The following LDLRAD3 variants were observed in gnomAD, a reference collection of about 807,000 sequenced individuals.
LDLRAD3 encodes the protein low density lipoprotein receptor class A domain containing 3.
A neutral mutation model predicts 29.4 loss-of-function variants in LDLRAD3; 20 were observed. That is an observed-to-expected ratio of 0.68 (90% CI 0.48 to 0.99). The LOEUF is 0.99. Among genes scored for constraint, LDLRAD3 ranks in the 50% least tolerant of loss-of-function variants. LDLRAD3 has a pLI of 0.00. For synonymous variants in LDLRAD3, 157 were observed against 192.7 expected (o/e 0.81, Z 1.53); for missense variants, 420 against 454.3 (o/e 0.92, Z 0.69).
At chr11:35,986,517 TC>T (rs1198615519) in intron 1 of LDLRAD3, among the ~76,000 whole-genome samples, 3 of 152,228 alleles carry the variant, frequency 2.0e-5, no homozygotes, top group Admixed American at 1.3e-4. Flanking sequence ...GTAACAAACT[TC>T]CTGGAAAGTT....
At chr11:36,164,466 A>G (rs1854487625) in intron 4 of LDLRAD3, among the ~76,000 whole-genome samples, 1 of 152,214 alleles carries the variant, frequency 6.6e-6, no homozygotes, top group African/African-American at 2.4e-5. Context: ...TTTTGCTTGA[A>G]CAGGGTAAAA....
intron 2 of LDLRAD3, among the ~76,000 whole-genome samples, chr11:36,066,523 A>C (rs1231291031): frequency 6.6e-6 from 1 of 152,230 alleles, no homozygotes; most frequent in Non-Finnish European, 1.5e-5. Context: ...ATGTATATGC[A>C]CACAAAAACC....
At chr11:36,022,753 G>A (rs1271293438) in intron 1 of LDLRAD3, among the ~76,000 whole-genome samples, 2 of 152,128 alleles carry the variant, frequency 1.3e-5, no homozygotes, top group Non-Finnish European at 2.9e-5. Flanking sequence ...AAGGTCATAA[G>A]CTACCTTTTC....
intron 1 of LDLRAD3, among the ~76,000 whole-genome samples, chr11:35,954,069 T>C (rs1358312662): frequency 6.6e-6 from 1 of 152,164 alleles, no homozygotes; most frequent in Non-Finnish European, 1.5e-5. Flanking sequence ...TAAACATCGG[T>C]GGATCCTATG....
At chr11:36,228,994 GT>G (rs1263299553) in intron 5 of LDLRAD3, among the ~76,000 whole-genome samples, 165 bp from the exon 6 acceptor site, 1 of 152,216 alleles carries the variant, frequency 6.6e-6, no homozygotes, top group African/African-American at 2.4e-5. Flanking sequence ...TTCCGATGTG[GT>G]TCCTGGTCCT....
At chr11:36,027,127 G>C (rs1206958298) in intron 1 of LDLRAD3, among the ~76,000 whole-genome samples, 1 of 152,188 alleles carries the variant, frequency 6.6e-6, no homozygotes. Flanking sequence ...CAGATGTGCC[G>C]TGTATGAGTT....
intron 3 of LDLRAD3, among the ~76,000 whole-genome samples, chr11:36,085,121 G>C (rs565368864): frequency 6.6e-6 from 1 of 152,118 alleles, no homozygotes; most frequent in South Asian, 2.1e-4. Context: ...TCTGAAGTTG[G>C]CAACAAATTA....
At chr11:36,119,292 T>G (rs566855678) in intron 4 of LDLRAD3, among the ~76,000 whole-genome samples, 2 of 152,358 alleles carry the variant, frequency 1.3e-5, no homozygotes, top group South Asian at 4.1e-4. Context: ...CAAGTTTCTG[T>G]GTGGACATAT....
intron 1 of LDLRAD3, among the ~76,000 whole-genome samples, chr11:36,024,833 G>A (rs923572490): frequency 6.6e-6 from 1 of 152,216 alleles, no homozygotes; most frequent in Non-Finnish European, 1.5e-5. Flanking sequence ...AGATGGTGTG[G>A]ACTATTCTAA....
intron 3 of LDLRAD3, among the ~76,000 whole-genome samples, chr11:36,088,890 C>G (rs1224716019): frequency 1.3e-5 from 2 of 152,154 alleles, no homozygotes; most frequent in African/African-American, 4.8e-5. Flanking sequence ...TCAGAGAGGC[C>G]TTCCATGACC....
intron 2 of LDLRAD3, among the ~76,000 whole-genome samples, chr11:36,057,383 C>T (rs181298507): frequency 7.4e-4 from 112 of 152,292 alleles, no homozygotes; most frequent in African/African-American, 2.4e-3. Context: ...TCTTTACCTC[C>T]TCATCTTTCG....
intron 1 of LDLRAD3, among the ~76,000 whole-genome samples, chr11:36,033,830 C>T (rs772099288): frequency 9.9e-5 from 15 of 152,134 alleles, no homozygotes; most frequent in Admixed American, 5.9e-4. Context: ...TTCTGGAGTC[C>T]GGTCTTGAGA....
intron 4 of LDLRAD3, among the ~76,000 whole-genome samples, chr11:36,184,340 T>G (rs1446694800): frequency 6.6e-6 from 1 of 152,214 alleles, no homozygotes; most frequent in African/African-American, 2.4e-5. Flanking sequence ...CTTAATAATT[T>G]ACTAATATGT....
intron 1 of LDLRAD3, chr11:35,989,126 G>A (rs1851655502): frequency 6.6e-6 from 1 of 152,238 alleles, no homozygotes; most frequent in Middle Eastern, 3.4e-3. Context: ...TACTGAATAG[G>A]AAGTCCTTTC....
At chr11:36,089,242 G>C (rs1042702207) in intron 3 of LDLRAD3, among the ~76,000 whole-genome samples, 1 of 152,092 alleles carries the variant, frequency 6.6e-6, no homozygotes, top group African/African-American at 2.4e-5. Context: ...GCTTTACGTG[G>C]ATGATCTCAT....
chr11:36,050,443 G>T (rs1486398803), intron 2 of LDLRAD3, among the ~76,000 whole-genome samples: 1 of 152,222 alleles, frequency 6.6e-6, no homozygotes, highest in Non-Finnish European at 1.5e-5. Context: ...GAGTGAAGCT[G>T]TTGGATGACA....
chr11:36,021,006 G>A (rs1432717128), intron 1 of LDLRAD3, among the ~76,000 whole-genome samples: 1 of 152,184 alleles, frequency 6.6e-6, no homozygotes, highest in South Asian at 2.1e-4. Flanking sequence ...GGTTGATGGC[G>A]GTGGGGGTGA....
intron 1 of LDLRAD3, among the ~76,000 whole-genome samples, chr11:36,020,115 A>G (rs1266934077): frequency 1.3e-5 from 2 of 152,138 alleles, no homozygotes; most frequent in East Asian, 3.9e-4. Context: ...TACCTGCCAA[A>G]GTTGCAGTAT....
chr11:36,052,089 G>A (rs1040831330), intron 2 of LDLRAD3, among the ~76,000 whole-genome samples: 1 of 152,192 alleles, frequency 6.6e-6, no homozygotes. Flanking sequence ...GAGTCTCACT[G>A]AGTAAGGAAG....
Sources: allele counts gnomAD v4.1 joint callset (sites outside exome capture counted in the v4.1 genomes callset), GRCh38; gene constraint gnomAD v4.1.1; transcripts MANE v1.5; gene names NCBI Gene and HGNC (gene_info 2026-07-23, HGNC 2026-07-21).